CFAP47: variants seen among roughly 807,000 people sequenced by gnomAD.
The protein encoded by CFAP47 is cilia and flagella associated protein 47, also known as cilia- and flagella-associated protein 47.
In CFAP47, 29 loss-of-function variants were observed where a neutral mutation model predicts 148.1. That is an observed-to-expected ratio of 0.20 (90% CI 0.15 to 0.27). CFAP47 has a LOEUF of 0.27. Ranked by LOEUF, CFAP47 falls within the 10% of genes least tolerant of loss-of-function variation. The pLI is 1.00. For missense variants in CFAP47, 1,872 were observed against 1,697.5 expected, an observed-to-expected ratio of 1.10 and a Z score of -1.81; for synonymous variants, 664 against 577.3, an observed-to-expected ratio of 1.15 and a Z score of -2.15.
chrX:35,924,016 T>C lies in CFAP47; in HGVS notation c.250-2001T>C, dbSNP rs748213851. Among the ~76,000 whole-genome samples the C allele has an allele frequency of 2.2e-4, 18 of 83,540 alleles. 1 individual carries two copies. The highest frequency in any genetic ancestry group is 8.4e-4 in the African/African-American group (18 of 21,358). The allele number at this position is 83,540 out of a possible 115,157, so 72.5% of individuals were successfully genotyped here. On this transcript the variant is annotated intron_variant, in intron 1 of 63. Transcript: ENST00000378653. The stretch of plus-strand genomic sequence containing the variant: ...ATATATGTGTATATGTGTAAATATA[T>C]ATGCACATATATATGCACATATATG...
At chrX:36,096,746 AGT>A (rs1419100475) in intron 30 of CFAP47, among the ~76,000 whole-genome samples, 1 of 110,038 alleles carries the variant, frequency 9.1e-6, no homozygotes, top group East Asian at 2.9e-4. Context: ...TTATAGGTGA[AGT>A]GTGTTTCTTG....
chrX:36,375,008 T>C (rs782686077), intron 62 of CFAP47: 1 of 484,741 alleles, frequency 2.1e-6, no homozygotes, highest in African/African-American at 2.3e-5. Context: ...CAACAATTTT[T>C]CCAGCTCTGT....
intron 48 of CFAP47, among the ~76,000 whole-genome samples, chrX:36,246,338 A>G (rs1940614653): frequency 8.9e-6 from 1 of 112,084 alleles, no homozygotes; most frequent in African/African-American, 3.2e-5. Flanking sequence ...CATCAGAGAA[A>G]CACAAACCAA....
chrX:36,225,336 C>T (rs1162604833), intron 45 of CFAP47, among the ~76,000 whole-genome samples: 1 of 111,822 alleles, frequency 8.9e-6, no homozygotes, highest in East Asian at 2.8e-4. Context: ...CTTATAAGAA[C>T]CTTGAAGACC....
At chrX:35,995,343 C>T (rs943429097) in intron 18 of CFAP47, among the ~76,000 whole-genome samples, 2 of 111,448 alleles carry the variant, frequency 1.8e-5, no homozygotes, top group African/African-American at 6.5e-5. Context: ...GAAATCCAGG[C>T]TTCATTTTAA....
intron 50 of CFAP47, among the ~76,000 whole-genome samples, chrX:36,283,091 A>G (rs1733299805): frequency 9.0e-6 from 1 of 111,238 alleles, no homozygotes; most frequent in Non-Finnish European, 1.9e-5. Context: ...CTATATATCC[A>G]TATCTTTCTT....
chrX:36,113,972 G>C (rs1403079598), intron 33 of CFAP47, among the ~76,000 whole-genome samples: 1 of 109,271 alleles, frequency 9.2e-6, no homozygotes, highest in African/African-American at 3.3e-5. Context: ...ACCATGCCCA[G>C]CTAATTTTTT....
intron 35 of CFAP47, 112 bp downstream of exon 35, chrX:36,138,576 C>A (rs1282140188): frequency 2.5e-6 from 2 of 814,415 alleles, no homozygotes; most frequent in Non-Finnish European, 3.3e-6. Context: ...TTGAAACAGG[C>A]TTTTGATGAG....
chrX:36,370,894 T>A (rs1184843920), intron 62 of CFAP47, among the ~76,000 whole-genome samples: 2 of 111,323 alleles, frequency 1.8e-5, no homozygotes, highest in Non-Finnish European at 3.8e-5. Context: ...ATTTTTCTTG[T>A]GTGCTGGGCA....
chrX:36,306,594 A>G (rs1416392893), intron 54 of CFAP47, among the ~76,000 whole-genome samples, 178 bp from the exon 55 acceptor site: 1 of 111,374 alleles, frequency 9.0e-6, no homozygotes, highest in African/African-American at 3.3e-5. Context: ...AACACGGTTT[A>G]ACATGGGCCC....
At chrX:36,119,146 T>A (rs568102259) in intron 33 of CFAP47, among the ~76,000 whole-genome samples, 177 of 112,089 alleles carry the variant, frequency 1.6e-3, no homozygotes, top group Non-Finnish European at 2.7e-3. Flanking sequence ...CCTTGTTGTG[T>A]TCCATACATC....
At chrX:36,304,034 G>A (rs1178226258) in intron 54 of CFAP47, 74 bp downstream of exon 54, 25 of 485,483 alleles carry the variant, frequency 5.1e-5, no homozygotes, top group Non-Finnish European at 7.6e-5. Context: ...GGACACTGGT[G>A]GAGTATTATC....
At chrX:35,967,095 T>C (rs1936418701) in intron 9 of CFAP47, among the ~76,000 whole-genome samples, 1 of 111,312 alleles carries the variant, frequency 9.0e-6, no homozygotes, top group South Asian at 3.8e-4. Context: ...TCCCAGTAGA[T>C]GCTGACACTG....
chrX:36,004,551 A>T (rs1255091507), intron 21 of CFAP47, among the ~76,000 whole-genome samples: 1 of 110,766 alleles, frequency 9.0e-6, no homozygotes, highest in Non-Finnish European at 1.9e-5. Context: ...TGGTATATCC[A>T]TACTCTATAA....
At chrX:36,233,221 A>G (rs1327548129) in intron 46 of CFAP47, among the ~76,000 whole-genome samples, 2 of 111,114 alleles carry the variant, frequency 1.8e-5, no homozygotes, top group African/African-American at 6.6e-5. Context: ...GGGGTGTTAA[A>G]GTCTCCCATT....
At chrX:36,057,861 A>C (rs1002079287) in intron 26 of CFAP47, among the ~76,000 whole-genome samples, 4 of 111,282 alleles carry the variant, frequency 3.6e-5, no homozygotes, top group African/African-American at 6.5e-5. Flanking sequence ...AACAGCACCA[A>C]CCTAAGCTTT....
chrX:35,931,682 G>A (rs1404976172), intron 2 of CFAP47, among the ~76,000 whole-genome samples: 1 of 111,125 alleles, frequency 9.0e-6, no homozygotes, highest in Non-Finnish European at 1.9e-5. Flanking sequence ...TGTTTTGTGT[G>A]CATCTCTTTG....
intron 26 of CFAP47, among the ~76,000 whole-genome samples, chrX:36,058,069 A>G (rs925471870): frequency 8.9e-6 from 1 of 112,198 alleles, no homozygotes; most frequent in African/African-American, 3.2e-5. Flanking sequence ...CATGAACATT[A>G]AATGATTTTT....
intron 10 of CFAP47, among the ~76,000 whole-genome samples, chrX:35,970,251 G>A (rs1008553402): frequency 1.8e-5 from 2 of 110,843 alleles, no homozygotes; most frequent in African/African-American, 6.6e-5. Context: ...AAAGTAATTC[G>A]CAGTTCTTTT....
Sources: allele counts gnomAD v4.1 joint callset (sites outside exome capture counted in the v4.1 genomes callset), GRCh38; gene constraint gnomAD v4.1.1; transcripts MANE v1.5; gene names NCBI Gene and HGNC (gene_info 2026-07-23, HGNC 2026-07-21).